The following C10orf90 variants were observed in gnomAD, a reference collection of about 807,000 sequenced individuals.
C10orf90 encodes (E2-independent) E3 ubiquitin-conjugating enzyme FATS.
Under a neutral mutation model 62.5 loss-of-function variants are expected in C10orf90, and 56 were observed. The ratio of observed to expected loss-of-function variants is 0.90; its 90% confidence interval spans 0.72 to 1.12. C10orf90 has a LOEUF of 1.12. Ranked by LOEUF, C10orf90 falls within the 50% of genes most tolerant of loss-of-function variation. C10orf90 has a pLI of 0.00. For synonymous variants in C10orf90, 386 were observed against 340.4 expected (o/e 1.13, Z -1.47); for missense variants, 970 against 880.4 (o/e 1.10, Z -1.29).
At chr10:126,562,085 G>T (rs143180565) in intron 2 of C10orf90, among the ~76,000 whole-genome samples, 1,731 of 152,282 alleles carry the variant, frequency 0.011, 27 homozygotes, top group African/African-American at 0.037. Context: ...TGCCCAAGTG[G>T]CGACAGGCTG....
At chr10:126,462,019 T>C (rs1251121540) in intron 5 of C10orf90, among the ~76,000 whole-genome samples, 3 of 152,186 alleles carry the variant, frequency 2.0e-5, no homozygotes, top group Admixed American at 2.0e-4. Flanking sequence ...AGCCCTCCCC[T>C]GCACTTGCTG....
intron 1 of C10orf90, among the ~76,000 whole-genome samples, chr10:126,652,532 G>A (rs1846311589): frequency 6.6e-6 from 1 of 152,128 alleles, no homozygotes; most frequent in South Asian, 2.1e-4. Context: ...TGCTCTTGGA[G>A]GTGCATGGAG....
intron 2 of C10orf90, among the ~76,000 whole-genome samples, chr10:126,543,275 C>T (rs1367272863): frequency 2.0e-5 from 3 of 152,152 alleles, no homozygotes; most frequent in Non-Finnish European, 4.4e-5. Flanking sequence ...GCCTGTCAGT[C>T]ATCAACCGTC....
At chr10:126,506,640 G>A (rs1228240837) in intron 3 of C10orf90, among the ~76,000 whole-genome samples, 5 of 152,174 alleles carry the variant, frequency 3.3e-5, no homozygotes, top group African/African-American at 4.8e-5. Context: ...CATTTCAACT[G>A]CATTTCAAGT....
intron 1 of C10orf90, among the ~76,000 whole-genome samples, chr10:126,661,306 G>A (rs560901060): frequency 1.3e-5 from 2 of 152,126 alleles, no homozygotes; most frequent in Non-Finnish European, 1.5e-5. Context: ...CAATTCCAAG[G>A]CTCAACCCTT....
intron 2 of C10orf90, among the ~76,000 whole-genome samples, chr10:126,579,071 T>TTAA (rs1491258443): frequency 4.3e-4 from 62 of 142,562 alleles, no homozygotes; most frequent in African/African-American, 1.5e-3. Flanking sequence ...AGTTTTTTTT[T>TTAA]AAAAAAAAAA....
intron 2 of C10orf90, among the ~76,000 whole-genome samples, chr10:126,615,123 G>A (rs1340378128): frequency 6.6e-6 from 1 of 152,142 alleles, no homozygotes; most frequent in Non-Finnish European, 1.5e-5. Flanking sequence ...TTATTCAGAT[G>A]GAGGCTCAAA....
At chr10:126,631,730 G>T (rs963080029) in intron 2 of C10orf90, among the ~76,000 whole-genome samples, 2 of 151,804 alleles carry the variant, frequency 1.3e-5, no homozygotes, top group African/African-American at 4.8e-5. Flanking sequence ...AACACCCAGG[G>T]CAGGGACTTG....
chr10:126,594,792 T>A (rs1320224510), intron 2 of C10orf90, among the ~76,000 whole-genome samples: 2 of 151,958 alleles, frequency 1.3e-5, no homozygotes, highest in Non-Finnish European at 1.5e-5. Flanking sequence ...GGGTTTGCTG[T>A]GTTCAAAAGA....
At chr10:126,458,790 T>C (rs1859751862) in intron 7 of C10orf90, among the ~76,000 whole-genome samples, 2 of 152,188 alleles carry the variant, frequency 1.3e-5, no homozygotes, top group Non-Finnish European at 2.9e-5. Flanking sequence ...GTGGCTTCTG[T>C]CCCAGCTGTA....
chr10:126,565,338 A>G (rs1591104337), intron 2 of C10orf90, among the ~76,000 whole-genome samples: 1 of 40,222 alleles, frequency 2.5e-5, no homozygotes, highest in Non-Finnish European at 4.0e-5. Context: ...TTTATATTAT[A>G]TATAATATAT....
rs74585019 is a variant in C10orf90, at chr10:126,656,753, C to T, written c.241-10116G>A. 2.6e-3 allele frequency among the ~76,000 whole-genome samples: 398 copies of T among 152,218 alleles called. 3 individuals are homozygous for T. The highest frequency in any genetic ancestry group is 8.3e-3 in the African/African-American group (344 of 41,546). The stretch of plus-strand genomic sequence containing the variant: ...CGGCTTGTGGAAATGGCCTATGTCA[C>T]GATTTGGTACTGGAGTTCAACTGTA... On this transcript the variant is annotated intron_variant, in intron 1 of 9. Transcript: ENST00000488181.
intron 1 of C10orf90, among the ~76,000 whole-genome samples, chr10:126,666,202 C>T (rs548849706): frequency 1.8e-4 from 27 of 152,260 alleles, no homozygotes; most frequent in African/African-American, 6.0e-4. Context: ...GGCCTCTACC[C>T]ATTAGCCACC....
rs549501673 is a variant in C10orf90 at position 126,642,400 on chromosome 10, C to T, written c.313+4165G>A. Among the ~76,000 whole-genome samples the T allele has an allele frequency of 3.4e-3, 524 of 152,074 alleles. 3 individuals are homozygous for T. The highest frequency in any genetic ancestry group is 0.012 in the African/African-American group (499 of 41,484). The stretch of plus-strand genomic sequence containing the variant: ...ACAAAAAATTAGCCGGGCGTGGTGG[C>T]GGGCGCCTGTAGTCCCAGCTACTCG... On this transcript the variant is annotated intron_variant, in intron 2 of 9. Transcript: ENST00000488181.
rs1269013268 is a variant in C10orf90, at chr10:126,532,842, C to CAAAA, written c.314-18907_314-18904dup. On this transcript the variant is annotated intron_variant, in intron 2 of 9. Coordinates refer to ENST00000488181, the MANE Select transcript of C10orf90 (RefSeq NM_001350921.2). Reference sequence around the variant, plus strand: ...TGGGCAACAGAGCGAGACTACGTCTCAAAAAAAAAAAAAAATAGTGAGCAC... The same window carrying CAAAA: ...TGGGCAACAGAGCGAGACTACGTCTCAAAAAAAAAAAAAAAAAAATAGTGAGCAC... Among the ~76,000 whole-genome samples the CAAAA allele has an allele frequency of 1.3e-3, 16 of 12,098 alleles. 5 individuals are homozygous for CAAAA. The highest frequency in any genetic ancestry group is 3.7e-3 in the African/African-American group (10 of 2,708). 7.9% of individuals were successfully genotyped at this position (12,098 alleles called of 152,430 possible).
In C10orf90 at chr10:126,522,290, A is replaced by AAAC. The variant is rs1591065452; in HGVS notation, c.314-8352_314-8351insGTT. On this transcript the variant is annotated intron_variant, in intron 2 of 9. Coordinates refer to ENST00000488181, the MANE Select transcript of C10orf90 (RefSeq NM_001350921.2). ...TTTCAAAAACAAACAAACAAACAAA[A>AAAC]AAAGAGATGGCACTGGTACAGATGA... 1.9e-4 allele frequency among the ~76,000 whole-genome samples: 20 copies of AAAC among 104,298 alleles called. No homozygotes were observed. The South Asian group carries it at 2.9e-3, about 15-fold the overall frequency. 68.4% of individuals were successfully genotyped at this position (104,298 alleles called of 152,430 possible). A position where few individuals can be genotyped will look rare whatever the true frequency, so the allele number is the denominator to read the frequency against.
intron 2 of C10orf90, among the ~76,000 whole-genome samples, chr10:126,619,105 G>T (rs1845596992): frequency 6.6e-6 from 1 of 152,142 alleles, no homozygotes; most frequent in Non-Finnish European, 1.5e-5. Context: ...TCTTTGCGCT[G>T]GTTTTCTTTA....
intron 2 of C10orf90, among the ~76,000 whole-genome samples, chr10:126,584,280 G>A (rs1221168517): frequency 6.6e-6 from 1 of 151,816 alleles, no homozygotes; most frequent in East Asian, 2.0e-4. Context: ...CTACCTGTCT[G>A]CCTGTCCATC....
rs77643221 is a variant in C10orf90 at position 126,563,778 on chromosome 10, C to T, written c.314-49839G>A. ...GTCCTGAGGCCAGAGGAATTGGCGG[C>T]GGCAGCTGATGGACATCCTGCACTC... On this transcript the variant is annotated intron_variant, in intron 2 of 9. Coordinates refer to ENST00000488181, the MANE Select transcript of C10orf90 (RefSeq NM_001350921.2). Among the ~76,000 whole-genome samples, 316 of 152,292 alleles carry T rather than the reference C, an allele frequency of 2.1e-3. 2 individuals are homozygous for T. The highest frequency in any genetic ancestry group is 0.012 in the East Asian group (64 of 5,164).
Sources: allele counts gnomAD v4.1 joint callset (sites outside exome capture counted in the v4.1 genomes callset), GRCh38; gene constraint gnomAD v4.1.1; transcripts MANE v1.5; gene names NCBI Gene and HGNC (gene_info 2026-07-23, HGNC 2026-07-21).